TMEM216: variants seen among roughly 807,000 people sequenced by gnomAD.
TMEM216 encodes cerebello-oculo-renal syndrome 2.
In TMEM216, 15 loss-of-function variants were observed where a neutral mutation model predicts 17.8. The observed-to-expected ratio is 0.84, with a 90% CI of 0.56 to 1.30. TMEM216 has a LOEUF of 1.30. TMEM216 is among the 50% of genes most tolerant of loss of function. The pLI is 0.00. For synonymous variants in TMEM216, 58 were observed against 73.5 expected, an observed-to-expected ratio of 0.79 and a Z score of 1.08; for missense variants, 160 against 175.7, an observed-to-expected ratio of 0.91 and a Z score of 0.51.
chr11:61,396,716 C>T (rs1009200139), intron 3 of TMEM216, among the ~76,000 whole-genome samples: 6 of 151,726 alleles, frequency 4.0e-5, no homozygotes, highest in Non-Finnish European at 7.4e-5. Context: ...ATCGCTTGTA[C>T]CTGGGAGGTG....
chr11:61,398,321 T>TATTGCTTCTG lies in TMEM216; in HGVS notation c.*46_*55dup. 7 of 1,602,154 alleles carry TATTGCTTCTG rather than the reference T, an allele frequency of 4.4e-6. No individual in the cohort carries two copies. The highest frequency in any genetic ancestry group is 6.0e-6 in the Non-Finnish European group (7 of 1,171,504). ...CAGCCCATCAGGCTGACACCACACATATTGCTTCTGGTACTTTAGCCACAC... is the reference window on the plus strand; with the variant it reads ...CAGCCCATCAGGCTGACACCACACATATTGCTTCTGATTGCTTCTGGTACTTTAGCCACAC... On this transcript the variant is annotated 3_prime_UTR_variant, in exon 5 of 5. Transcript: ENST00000515837.
chr11:61,398,058 T>C, intron 4 of TMEM216, 83 bp downstream of exon 4: 1 of 1,546,776 alleles, frequency 6.5e-7, no homozygotes, highest in South Asian at 1.1e-5. Context: ...TTCTGAAGCC[T>C]AAGGGGTCTA....
intron 2 of TMEM216, 74 bp from the exon 3 acceptor site, chr11:61,393,810 T>G: frequency 8.4e-7 from 1 of 1,193,380 alleles, no homozygotes; most frequent in Non-Finnish European, 1.2e-6. Context: ...ATGTCCTCTT[T>G]TTTCCCAAGT....
At position 61,396,050 on chromosome 11, in the gene TMEM216, C is replaced by G. The variant is rs904948547; in HGVS notation, c.230-1724C>G. Among the ~76,000 whole-genome samples the G allele has an allele frequency of 2.0e-5, 3 of 151,992 alleles. No homozygotes were observed. In the South Asian group the frequency reaches 6.2e-4, roughly 32 times the overall value. Reference sequence around the variant, plus strand: ...ATTAAAAAAAAATTCCACAGATATGCGAAGATAGCTATATGAGAATGTTTA... The same window carrying G: ...ATTAAAAAAAAATTCCACAGATATGGGAAGATAGCTATATGAGAATGTTTA... On this transcript the variant is annotated intron_variant, in intron 3 of 4. Coordinates refer to ENST00000515837, the MANE Select transcript of TMEM216 (RefSeq NM_001173990.3).
At chr11:61,395,917 G>A (rs1007950549) in intron 3 of TMEM216, among the ~76,000 whole-genome samples, 1 of 152,086 alleles carries the variant, frequency 6.6e-6, no homozygotes, top group African/African-American at 2.4e-5. Flanking sequence ...GTGGGGAACA[G>A]GTTGTTATAC....
rs1858851211 is a variant in TMEM216 at position 61,398,449 on chromosome 11, T to C, written c.*173T>C. ...CTCAGCATAAGGCCAGTGGGTACCA[T>C]CTTCTAAACCAGGACCATCAGCCCA... On this transcript the variant is annotated 3_prime_UTR_variant, in exon 5 of 5. Coordinates refer to ENST00000515837, the MANE Select transcript of TMEM216 (RefSeq NM_001173990.3). The C allele has an allele frequency of 1.5e-6, 1 of 658,744 alleles. No individual in the cohort carries two copies. Among genetic ancestry groups the C allele is most frequent in the South Asian group, 1.9e-5 (1 of 52,626 alleles). The allele number at this position is 658,744 out of a possible 1,614,324, so 40.8% of individuals were successfully genotyped here.
In TMEM216 at chr11:61,394,246, T is replaced by C. The variant is rs1858747840; in HGVS notation, c.229+270T>C. ...TAACTGCAAGAAGAGTGCTTGGTTC[T>C]TCTCACTAGTATTCTTAGGGGAATA... On this transcript the variant is annotated intron_variant, in intron 3 of 4. Coordinates refer to ENST00000515837, the MANE Select transcript of TMEM216 (RefSeq NM_001173990.3). 5 of 437,522 alleles carry C rather than the reference T, an allele frequency of 1.1e-5. No individual in the cohort carries two copies. In the South Asian group the frequency reaches 1.2e-4, roughly 10 times the overall value. 27.1% of individuals were successfully genotyped at this position (437,522 alleles called of 1,614,324 possible). A position where few individuals can be genotyped will look rare whatever the true frequency, so the allele number is the denominator to read the frequency against.
rs751270974 is a variant in TMEM216 at position 61,393,913 on chromosome 11, C to T, written c.166C>T (p.Leu56=). 4 of 1,613,976 alleles carry T rather than the reference C, an allele frequency of 2.5e-6. No homozygotes were observed. In the South Asian group the frequency reaches 4.4e-5, roughly 18 times the overall value. Residue 56 remains leucine, a synonymous_variant, in exon 3 of 5, where the codon CTA becomes TTA. Transcript: ENST00000515837. ...GVLLPYPTAN[L]VLDVVMLLLY... The stretch of plus-strand genomic sequence containing the variant: ...CCTGCTACCATATCCAACAGCTAAC[C>T]TAGTACTGGATGTGGTGATGCTCCT...
chr11:61,398,546 C>T lies in TMEM216; in HGVS notation c.*270C>T. On this transcript the variant is annotated 3_prime_UTR_variant, in exon 5 of 5. Coordinates refer to ENST00000515837, the MANE Select transcript of TMEM216 (RefSeq NM_001173990.3). ...ATCCTGCCCCTTCTCAGAACCAGTC[C>T]CCTGCTGACCTCAAGTTCTCCTCCT... is the stretch of plus-strand genomic sequence containing the variant. 1 of 499,026 alleles carries T rather than the reference C, an allele frequency of 2.0e-6. No homozygotes were observed. The highest frequency in any genetic ancestry group is 3.2e-5 in the East Asian group (1 of 31,012). 30.9% of individuals were successfully genotyped at this position (499,026 alleles called of 1,614,324 possible).
chr11:61,393,847 A>G, intron 2 of TMEM216, 37 bp from the exon 3 acceptor site: 1 of 1,564,612 alleles, frequency 6.4e-7, no homozygotes, highest in Non-Finnish European at 8.8e-7. Flanking sequence ...GGGTGCTGTT[A>G]TATGCTGTTT....
intron 1 of TMEM216, chr11:61,392,982 G>T (rs560975380): frequency 1.4e-6 from 1 of 704,676 alleles, no homozygotes; most frequent in South Asian, 6.4e-5. Context: ...TCAGCTGCGA[G>T]TTACCTCTTG....
At chr11:61,397,332 A>C (rs1006614043) in intron 3 of TMEM216, among the ~76,000 whole-genome samples, 2 of 151,636 alleles carry the variant, frequency 1.3e-5, no homozygotes, top group South Asian at 2.1e-4. Context: ...ACGCCCGGCT[A>C]CTTTTTTTGT....
rs1334866277 is a variant in TMEM216 at position 61,393,979 on chromosome 11, A to T, written c.229+3A>T. Reference sequence around the variant, plus strand: ...TGAAGTAATTCGCCTGTTTTTTGGTAAGTGTTGTCCAGAGAATATTTCCAC... The same window carrying T: ...TGAAGTAATTCGCCTGTTTTTTGGTTAGTGTTGTCCAGAGAATATTTCCAC... On this transcript the variant is annotated splice_donor_region_variant and intron_variant, in intron 3 of 4. Transcript: ENST00000515837. 6 of 1,613,592 alleles carry T rather than the reference A, an allele frequency of 3.7e-6. No homozygotes were observed. Among genetic ancestry groups the T allele is most frequent in the African/African-American group, 1.3e-5 (1 of 75,018 alleles).
At chr11:61,395,703 C>T (rs1467313793) in intron 3 of TMEM216, among the ~76,000 whole-genome samples, 2 of 149,528 alleles carry the variant, frequency 1.3e-5, no homozygotes, top group African/African-American at 5.0e-5. Flanking sequence ...CCACTGCACT[C>T]TAGCCTGGGC....
intron 3 of TMEM216, among the ~76,000 whole-genome samples, chr11:61,396,931 CA>C (rs35510102): frequency 0.057 from 6,936 of 122,280 alleles, 490 homozygotes; most frequent in African/African-American, 0.17. Context: ...TAAACACTAT[CA>C]AAAAAAAAAA....
At chr11:61,395,231 C>T (rs1222916887) in intron 3 of TMEM216, among the ~76,000 whole-genome samples, 1 of 152,118 alleles carries the variant, frequency 6.6e-6, no homozygotes, top group Admixed American at 6.5e-5. Context: ...CTGCCTTGGC[C>T]TCCCCAAGGT....
At chr11:61,393,646 A>G (rs1027346507) in intron 2 of TMEM216, among the ~76,000 whole-genome samples, 1 of 152,218 alleles carries the variant, frequency 6.6e-6, no homozygotes, top group Non-Finnish European at 1.5e-5. Flanking sequence ...ACCCATGTAC[A>G]TCCAATCATT....
At chr11:61,398,159 C>T (rs2135196769) in intron 4 of TMEM216, 111 bp from the exon 5 acceptor site, 1 of 1,445,848 alleles carries the variant, frequency 6.9e-7, no homozygotes. Flanking sequence ...AGGGAAGATA[C>T]TCTCCCTATC....
Position 61,392,755 on chromosome 11 carries a change from ATTC to A in TMEM216, c.34+92_34+94del, listed in dbSNP as rs1858702689. On this transcript the variant is annotated intron_variant, in intron 1 of 4. Coordinates refer to ENST00000515837, the MANE Select transcript of TMEM216 (RefSeq NM_001173990.3). Reference sequence around the variant, plus strand: ...TCCCAGAGCTTGACCTAAACCCTCCATTCTCTAGCGTTAGGGACGTCGCGCCTC... The same window carrying A: ...TCCCAGAGCTTGACCTAAACCCTCCATCTAGCGTTAGGGACGTCGCGCCTC... 14 of 1,533,860 alleles carry A rather than the reference ATTC, an allele frequency of 9.1e-6. No individual in the cohort carries two copies. The East Asian group carries it at 3.4e-4, about 38-fold the overall frequency.
Sources: allele counts gnomAD v4.1 joint callset (sites outside exome capture counted in the v4.1 genomes callset), GRCh38; gene constraint gnomAD v4.1.1; transcripts MANE v1.5; gene names NCBI Gene and HGNC (gene_info 2026-07-23, HGNC 2026-07-21).